Variants in SLC38A4 observed in about 807,000 individuals in gnomAD.
SLC38A4 encodes sodium-coupled neutral amino acid transporter 4.
In SLC38A4, 20 loss-of-function variants were observed where a neutral mutation model predicts 63.1. That is an observed-to-expected ratio of 0.32 (90% CI 0.22 to 0.46). The LOEUF (loss-of-function observed/expected upper bound fraction) is 0.46, where lower values mean the gene tolerates loss of function less well. SLC38A4 is among the 20% of genes least tolerant of loss of function. The pLI is 1.00. For synonymous variants in SLC38A4, 230 were observed against 225.5 expected (o/e 1.02, Z -0.18); for missense variants, 526 against 663.6 (o/e 0.79, Z 2.28).
At chr12:46,814,678 A>G (rs1035623795) in intron 1 of SLC38A4, among the ~76,000 whole-genome samples, 1 of 151,980 alleles carries the variant, frequency 6.6e-6, no homozygotes, top group African/African-American at 2.4e-5. Context: ...ATCAAATATA[A>G]GACGTTTTTA....
chr12:46,767,459 A>G (rs1306188553), intron 16 of SLC38A4, among the ~76,000 whole-genome samples: 2 of 152,084 alleles, frequency 1.3e-5, no homozygotes, highest in Non-Finnish European at 1.5e-5. Context: ...CAATTGGTCA[A>G]ACTGAAAATA....
At chr12:46,776,187 A>G (rs754350500) in intron 13 of SLC38A4, among the ~76,000 whole-genome samples, 3 of 152,056 alleles carry the variant, frequency 2.0e-5, no homozygotes, top group Non-Finnish European at 2.9e-5. Context: ...GATTCATGTA[A>G]ACATATGCTA....
At chr12:46,784,832 A>C (rs999804401) in intron 6 of SLC38A4, among the ~76,000 whole-genome samples, 198 bp from the exon 7 acceptor site, 2 of 152,136 alleles carry the variant, frequency 1.3e-5, no homozygotes, top group African/African-American at 2.4e-5. Flanking sequence ...GGTTTTATTT[A>C]TTTTAGCTGC....
In SLC38A4 at chr12:46,780,023, T is replaced by C. The variant is rs1592179021; in HGVS notation, c.501A>G (p.Ser167=). The C allele has an allele frequency of 6.2e-7, 1 of 1,611,630 alleles. No homozygotes were observed. The highest frequency in any genetic ancestry group is 8.5e-7 in the Non-Finnish European group (1 of 1,178,358). ...CATATTTAATGATAAAGAGGTAGCTTGACATTGCTAAAATGGAAAATGTGA... is the reference window on the plus strand; with the variant it reads ...CATATTTAATGATAAAGAGGTAGCTCGACATTGCTAAAATGGAAAATGTGA... The part of the protein sequence containing the change: ...SITMQNIGAM[S]SYLFIIKYEL... The change falls in exon 8 of 17, where the codon TCA becomes TCG. Residue 167 remains serine (S), a synonymous_variant. Transcript: ENST00000266579.
In SLC38A4 at chr12:46,768,376, A is replaced by T; in HGVS notation, c.1476T>A (p.Ile492=). 6.2e-7 allele frequency: 1 copy of T among 1,611,450 alleles called. No homozygotes were observed. Among genetic ancestry groups the T allele is most frequent in the African/African-American group, 1.3e-5 (1 of 74,952 alleles). The change falls in exon 16 of 17, where the codon ATT becomes ATA. Residue 492 remains isoleucine, a synonymous_variant. Transcript: ENST00000266579. ...GASSATMLIF[I]LPAVFYLKLV... Reference sequence around the variant, plus strand: ...GTTTAAGATAAAAAACTGCTGGAAGAATAAAAATCAGCATAGTGGCAGAAG... The same window carrying T: ...GTTTAAGATAAAAAACTGCTGGAAGTATAAAAATCAGCATAGTGGCAGAAG...
upstream of SLC38A4, among the ~76,000 whole-genome samples, chr12:46,826,979 G>A (rs1323405485): frequency 6.6e-6 from 1 of 152,158 alleles, no homozygotes; most frequent in Non-Finnish European, 1.5e-5. Flanking sequence ...CAACAAACAT[G>A]TACCAGTGTC....
At chr12:46,772,344 T>C (rs1378020596) in intron 14 of SLC38A4, among the ~76,000 whole-genome samples, 1 of 152,094 alleles carries the variant, frequency 6.6e-6, no homozygotes, top group East Asian at 1.9e-4. Context: ...ATTTTAATTA[T>C]AAGATGAAAT....
At chr12:46,822,966 T>C (rs1939581330) in intron 1 of SLC38A4, among the ~76,000 whole-genome samples, 1 of 152,228 alleles carries the variant, frequency 6.6e-6, no homozygotes, top group African/African-American at 2.4e-5. Flanking sequence ...TAACATATAG[T>C]TTAAAAGTAA....
intron 2 of SLC38A4, among the ~76,000 whole-genome samples, chr12:46,801,144 T>C (rs1939124803): frequency 6.6e-6 from 1 of 152,104 alleles, no homozygotes; most frequent in Non-Finnish European, 1.5e-5. Flanking sequence ...AAGTCAAAAC[T>C]TGAAACCAAG....
intron 2 of SLC38A4, 63 bp from the exon 3 acceptor site, chr12:46,793,246 T>A (rs1938927159): frequency 4.7e-6 from 2 of 429,664 alleles, no homozygotes; most frequent in Non-Finnish European, 4.2e-6. Context: ...TGAATATGAA[T>A]CATCTACATT....
Position 46,811,871 on chromosome 12 carries a change from A to G in SLC38A4, c.-304-8077T>C, listed in dbSNP as rs573234496. 2.8e-3 allele frequency among the ~76,000 whole-genome samples: 403 copies of G among 144,164 alleles called. 3 individuals carry two copies. Among genetic ancestry groups the G allele is most frequent in the African/African-American group, 0.011 (391 of 34,774 alleles). The allele number at this position is 144,164 out of a possible 152,430, so 94.6% of individuals were successfully genotyped here. On this transcript the variant is annotated intron_variant, in intron 1 of 16. Coordinates refer to ENST00000266579, the MANE Select transcript of SLC38A4 (RefSeq NM_018018.5). ...TATTTTGCTTCAAATGATGTAAACT[A>G]TGTCAAAAAAAAAGCTAATTGCAAG...
chr12:46,770,942 G>A (rs1423752585), intron 14 of SLC38A4, among the ~76,000 whole-genome samples: 1 of 152,054 alleles, frequency 6.6e-6, no homozygotes, highest in African/African-American at 2.4e-5. Context: ...AAAAATTCAA[G>A]CTAAATAGCT....
At chr12:46,775,404 C>T (rs1490070678) in intron 13 of SLC38A4, among the ~76,000 whole-genome samples, 1 of 151,990 alleles carries the variant, frequency 6.6e-6, no homozygotes. Flanking sequence ...AATAAAGAGC[C>T]TCTCAAGCTC....
rs1939178883 is a variant in SLC38A4 at position 46,803,811 on chromosome 12, A to C, written c.-304-17T>G. The C allele has an allele frequency of 6.6e-6, 1 of 151,796 alleles. No homozygotes were observed. Among genetic ancestry groups the C allele is most frequent in the Admixed American group, 6.6e-5 (1 of 15,196 alleles). The allele number at this position is 151,796 out of a possible 1,614,324, so 9.4% of individuals were successfully genotyped here. Reference sequence around the variant, plus strand: ...GCGTCAGCTCTTGAAAAAAAAAAAAAGAGAAGCTAAGTCAGTTTACTGTTG... The same window carrying C: ...GCGTCAGCTCTTGAAAAAAAAAAAACGAGAAGCTAAGTCAGTTTACTGTTG... On this transcript the variant is annotated splice_polypyrimidine_tract_variant and intron_variant, in intron 1 of 16. Coordinates refer to ENST00000266579, the MANE Select transcript of SLC38A4 (RefSeq NM_018018.5).
intron 1 of SLC38A4, among the ~76,000 whole-genome samples, chr12:46,807,362 G>T (rs372382179): frequency 6.6e-6 from 1 of 151,412 alleles, no homozygotes; most frequent in Non-Finnish European, 1.5e-5. Flanking sequence ...ACCTTTTACC[G>T]TAGATTCATA....
intron 1 of SLC38A4, among the ~76,000 whole-genome samples, chr12:46,804,453 G>A (rs1163630862): frequency 6.6e-6 from 1 of 151,972 alleles, no homozygotes; most frequent in Non-Finnish European, 1.5e-5. Flanking sequence ...TTCTGAAAGT[G>A]AGGAAAGAAA....
At chr12:46,819,025 T>TA (rs142104656) in intron 1 of SLC38A4, among the ~76,000 whole-genome samples, 1,740 of 151,466 alleles carry the variant, frequency 0.011, 22 homozygotes, top group East Asian at 0.064. Context: ...ATTTGCAATT[T>TA]AAAAAAAAGG....
In SLC38A4 at chr12:46,765,541, A is replaced by G; in HGVS notation, c.*1160T>C. On this transcript the variant is annotated 3_prime_UTR_variant, in exon 17 of 17. Transcript: ENST00000266579. ...GAAGAAGAGCATTGCCAAACTATAT[A>G]TAACTTAGGTTTCAAATTTAAATTA... 4.0e-6 allele frequency: 1 copy of G among 249,490 alleles called. No homozygotes were observed. Among genetic ancestry groups the G allele is most frequent in the South Asian group, 3.5e-5 (1 of 28,860 alleles). The allele number at this position is 249,490 out of a possible 1,614,324, so 15.5% of individuals were successfully genotyped here.
In SLC38A4 at chr12:46,765,357, T is replaced by C; in HGVS notation, c.*1344A>G. On this transcript the variant is annotated 3_prime_UTR_variant, in exon 17 of 17. Transcript: ENST00000266579. ...ACTTTTACAGAGAACCACTCAACAC[T>C]GTATTAAATGGCCAATGAATGTCAG... 1 of 244,104 alleles carries C rather than the reference T, an allele frequency of 4.1e-6. No individual in the cohort carries two copies. The highest frequency in any genetic ancestry group is 3.7e-5 in the South Asian group (1 of 26,776). 15.1% of individuals were successfully genotyped at this position (244,104 alleles called of 1,614,324 possible). A position where few individuals can be genotyped will look rare whatever the true frequency, so the allele number is the denominator to read the frequency against.
Sources: gnomAD v4.1 joint callset for allele counts (sites outside exome capture counted in the v4.1 genomes callset) on GRCh38, gnomAD v4.1.1 for gene constraint, MANE v1.5 for transcripts, NCBI Gene and HGNC (gene_info 2026-07-23, HGNC 2026-07-21) for gene names.